NCOA7: variants seen among roughly 807,000 people sequenced by gnomAD.
NCOA7 encodes the protein nuclear receptor coactivator 7, also known as 140 kDa estrogen receptor-associated protein.
A neutral mutation model predicts 104.3 loss-of-function variants in NCOA7; 45 were observed. The observed-to-expected ratio is 0.43, with a 90% CI of 0.34 to 0.55. The LOEUF is 0.55. Ranked by LOEUF, NCOA7 falls within the 20% of genes least tolerant of loss-of-function variation. The pLI is 0.02. For synonymous variants in NCOA7, 398 were observed against 402.3 expected (o/e 0.99, Z 0.13); for missense variants, 1,041 against 1,119.7 (o/e 0.93, Z 1.00).
At chr6:125,928,607 AC>A in intron 15 of NCOA7, 28 bp from the exon 16 acceptor site, 3 of 1,498,386 alleles carry the variant, frequency 2.0e-6, no homozygotes, top group Non-Finnish European at 2.7e-6. Flanking sequence ...AAGTGTTTTT[AC>A]CTTTTTTTTT....
At chr6:125,818,753 C>T (rs147569953) in intron 2 of NCOA7, 42 of 152,362 alleles carry the variant, frequency 2.8e-4, no homozygotes, top group African/African-American at 9.4e-4. Context: ...TACATCTTTT[C>T]AAATGCCTTC....
chr6:125,911,906 C>A (rs1019351593), intron 10 of NCOA7, among the ~76,000 whole-genome samples: 10 of 152,254 alleles, frequency 6.6e-5, no homozygotes, highest in Admixed American at 6.5e-4. Context: ...CATACCCTCT[C>A]CCCCACGTTA....
intron 11 of NCOA7, among the ~76,000 whole-genome samples, chr6:125,917,179 T>C (rs916381264): frequency 6.6e-6 from 1 of 152,116 alleles, no homozygotes; most frequent in Non-Finnish European, 1.5e-5. Flanking sequence ...ATTCAGTAGG[T>C]CTGGAGGGAG....
At chr6:125,856,434 G>A (rs1781557486) in intron 3 of NCOA7, among the ~76,000 whole-genome samples, 1 of 151,902 alleles carries the variant, frequency 6.6e-6, no homozygotes. Context: ...CTCACTGTAA[G>A]CTCTGCCTCC....
At position 125,815,512 on chromosome 6, in the gene NCOA7, T is replaced by C. The variant is rs527449770; in HGVS notation, c.50+108T>C. ...TTTGTGTTTTGTGCTTGTTCATAAA[T>C]AGAGCAGGTAACCAGGAGAAGTAAA... On this transcript the variant is annotated intron_variant, in intron 2 of 15. Coordinates refer to ENST00000392477, the MANE Select transcript of NCOA7 (RefSeq NM_181782.5). 7.9e-5 allele frequency: 66 copies of C among 832,822 alleles called. No individual in the cohort carries two copies. The South Asian group carries it at 1.0e-3, about 13-fold the overall frequency. 51.6% of individuals were successfully genotyped at this position (832,822 alleles called of 1,614,324 possible). A position where few individuals can be genotyped will look rare whatever the true frequency, so the allele number is the denominator to read the frequency against.
chr6:125,904,826 A>G (rs906813066), intron 10 of NCOA7, among the ~76,000 whole-genome samples: 4 of 152,178 alleles, frequency 2.6e-5, no homozygotes, highest in Admixed American at 1.3e-4. Flanking sequence ...GTTAGGTGAA[A>G]TGCTCAGGTT....
chr6:125,896,028 T>C (rs942706093), intron 10 of NCOA7, among the ~76,000 whole-genome samples: 4 of 148,196 alleles, frequency 2.7e-5, no homozygotes, highest in Non-Finnish European at 5.9e-5. Context: ...ATATATATTA[T>C]ATAATACATA....
intron 10 of NCOA7, among the ~76,000 whole-genome samples, chr6:125,897,061 A>G (rs990863288): frequency 6.6e-6 from 1 of 152,240 alleles, no homozygotes. Flanking sequence ...CTATCTCATT[A>G]TAATATTTGG....
At chr6:125,846,943 C>T (rs1780667511) in intron 2 of NCOA7, among the ~76,000 whole-genome samples, 2 of 152,054 alleles carry the variant, frequency 1.3e-5, no homozygotes, top group African/African-American at 2.4e-5. Context: ...CTTAGTAGTT[C>T]CTGTTAGAAG....
intron 2 of NCOA7, among the ~76,000 whole-genome samples, chr6:125,822,533 C>G (rs563322637): frequency 6.6e-6 from 1 of 152,146 alleles, no homozygotes; most frequent in African/African-American, 2.4e-5. Flanking sequence ...GGCCTGAGCC[C>G]CAAATCCCTG....
chr6:125,913,527 T>G, intron 10 of NCOA7: 1 of 500,924 alleles, frequency 2.0e-6, no homozygotes, highest in Non-Finnish European at 2.6e-6. Context: ...AACATAACCA[T>G]CATACCCATG....
chr6:125,786,908 A>G (rs1385411106), upstream of NCOA7, among the ~76,000 whole-genome samples: 1 of 152,158 alleles, frequency 6.6e-6, no homozygotes, highest in Non-Finnish European at 1.5e-5. Flanking sequence ...GCACTTTGGC[A>G]GACTGAGGCA....
At chr6:125,840,644 A>G (rs1780035918) in intron 2 of NCOA7, among the ~76,000 whole-genome samples, 1 of 151,208 alleles carries the variant, frequency 6.6e-6, no homozygotes, top group South Asian at 2.1e-4. Flanking sequence ...CCTTCTGAGT[A>G]GCTGGAACTA....
At chr6:125,905,282 G>A (rs995613007) in intron 10 of NCOA7, among the ~76,000 whole-genome samples, 2 of 144,720 alleles carry the variant, frequency 1.4e-5, no homozygotes, top group Non-Finnish European at 3.0e-5. Context: ...TTGAGACAGA[G>A]TTTCACTCTT....
At chr6:125,794,466 TG>T (rs763956364) in intron 1 of NCOA7, among the ~76,000 whole-genome samples, 1 of 152,228 alleles carries the variant, frequency 6.6e-6, no homozygotes, top group Non-Finnish European at 1.5e-5. Context: ...TGTTCTACCT[TG>T]TTTTTCTTGA....
At position 125,864,348 on chromosome 6, in the gene NCOA7, A is replaced by G. The variant is rs145713180; in HGVS notation, c.271+9108A>G. On this transcript the variant is annotated intron_variant, in intron 3 of 15. Coordinates refer to ENST00000392477, the MANE Select transcript of NCOA7 (RefSeq NM_181782.5). ...TTTTGTTTAAAAAAATAATTCACCTACATGCATATAAAAAGAGGTATAGAG... is the reference window on the plus strand; with the variant it reads ...TTTTGTTTAAAAAAATAATTCACCTGCATGCATATAAAAAGAGGTATAGAG... Among the ~76,000 whole-genome samples, 10 of 138,310 alleles carry G rather than the reference A, an allele frequency of 7.2e-5. 3 individuals carry two copies. The highest frequency in any genetic ancestry group is 3.0e-4 in the African/African-American group (10 of 33,288). 90.7% of individuals were successfully genotyped at this position (138,310 alleles called of 152,430 possible).
At chr6:125,891,687 T>C (rs1250371323) in intron 10 of NCOA7, among the ~76,000 whole-genome samples, 1 of 152,212 alleles carries the variant, frequency 6.6e-6, no homozygotes, top group Non-Finnish European at 1.5e-5. Flanking sequence ...GAGTGCACCT[T>C]CTGGCTGACT....
chr6:125,848,650 G>A lies in NCOA7; in HGVS notation c.51-6370G>A, dbSNP rs1250048034. ...GAACATCACACACTGGAGCCTGTCG[G>A]GGGGTGGTGGTTGGGGGATGGATAG... On this transcript the variant is annotated intron_variant, in intron 2 of 15. Transcript: ENST00000392477. Among the ~76,000 whole-genome samples, 3 of 152,032 alleles carry A rather than the reference G, an allele frequency of 2.0e-5. No homozygotes were observed. In the East Asian group the frequency reaches 5.8e-4, roughly 29 times the overall value.
At chr6:125,926,930 C>T (rs972732920) in intron 13 of NCOA7, among the ~76,000 whole-genome samples, 3 of 152,160 alleles carry the variant, frequency 2.0e-5, no homozygotes, top group African/African-American at 2.4e-5. Context: ...AGGCAGTGGG[C>T]GTACACATTC....
Sources: allele counts gnomAD v4.1 joint callset (sites outside exome capture counted in the v4.1 genomes callset), GRCh38; gene constraint gnomAD v4.1.1; transcripts MANE v1.5; gene names NCBI Gene and HGNC (gene_info 2026-07-23, HGNC 2026-07-21).